The following TGM3 variants were observed in gnomAD, a reference collection of about 807,000 sequenced individuals.
TGM3 encodes the protein protein-glutamine gamma-glutamyltransferase E.
Under a neutral mutation model 73.8 loss-of-function variants are expected in TGM3, and 52 were observed. The ratio of observed to expected loss-of-function variants is 0.70; its 90% CI spans 0.56 to 0.89. The LOEUF is 0.89. Ranked by LOEUF, TGM3 falls within the 40% of genes least tolerant of loss-of-function variation. The pLI is 0.00. For missense variants in TGM3, 928 were observed against 909.9 expected (o/e 1.02, Z -0.26); for synonymous variants, 372 against 354.9 (o/e 1.05, Z -0.54).
chr20:2,324,124 C>G (rs2084275081), intron 7 of TGM3, among the ~76,000 whole-genome samples: 1 of 152,126 alleles, frequency 6.6e-6, no homozygotes, highest in Non-Finnish European at 1.5e-5. Context: ...TTTATTGACT[C>G]TTTCCTCTGT....
At chr20:2,322,340 T>C (rs767941023) in intron 7 of TGM3, among the ~76,000 whole-genome samples, 7 of 152,130 alleles carry the variant, frequency 4.6e-5, no homozygotes, top group Non-Finnish European at 8.8e-5. Context: ...AAGGCATGAG[T>C]AGAAGACGGA....
At chr20:2,340,033 C>CGGGTGCAGGGGGGGGGGGGGGGGGG in intron 12 of TGM3, 46 bp downstream of exon 12, 1 of 196,566 alleles carries the variant, frequency 5.1e-6, no homozygotes, top group Admixed American at 8.3e-5. Flanking sequence ...CGGGAGGGGG[C>CGGGTGCAGGGGGGGGGGGGGGGGGG]GGGGGGGCCC....
chr20:2,319,980 C>T (rs912330915), intron 7 of TGM3, among the ~76,000 whole-genome samples: 2 of 152,182 alleles, frequency 1.3e-5, no homozygotes, highest in Non-Finnish European at 1.5e-5. Context: ...TTTAAATTCT[C>T]GGGAGCTTCA....
At chr20:2,326,342 G>T (rs1000558798) in intron 8 of TGM3, among the ~76,000 whole-genome samples, 1 of 152,200 alleles carries the variant, frequency 6.6e-6, no homozygotes, top group Non-Finnish European at 1.5e-5. Context: ...ACCCACAGCA[G>T]CTCTCTCTGC....
In TGM3 at chr20:2,321,194, G is replaced by A. The variant is rs144177725; in HGVS notation, c.983+3709G>A. On this transcript the variant is annotated intron_variant, in intron 7 of 12. Transcript: ENST00000381458. ...TCCATGCACATCTGCACTGGACTCC[G>A]GGCACCAAGAGGAACAAGATGCAGG... Among the ~76,000 whole-genome samples the A allele has an allele frequency of 1.2e-4, 18 of 152,294 alleles. No homozygotes were observed. The East Asian group carries it at 3.1e-3, about 26-fold the overall frequency.
intron 5 of TGM3, among the ~76,000 whole-genome samples, chr20:2,313,512 TG>T (rs1355642846): frequency 2.6e-5 from 4 of 152,068 alleles, no homozygotes; most frequent in Non-Finnish European, 5.9e-5. Flanking sequence ...ATGGTCTAGA[TG>T]GGGAAACAAG....
intron 11 of TGM3, 138 bp downstream of exon 11, chr20:2,335,411 T>C: frequency 5.5e-6 from 6 of 1,092,764 alleles, no homozygotes; most frequent in Non-Finnish European, 7.8e-6. Flanking sequence ...GGCAGAGAAC[T>C]GGGCCCAGCT....
chr20:2,333,269 C>G (rs780203945), intron 10 of TGM3, among the ~76,000 whole-genome samples: 1 of 152,188 alleles, frequency 6.6e-6, no homozygotes, highest in Non-Finnish European at 1.5e-5. Flanking sequence ...GAAGCATCCC[C>G]TAGCAATCTG....
chr20:2,334,120 C>T lies in TGM3; in HGVS notation c.1643-996C>T, dbSNP rs1171620912. 6.6e-6 allele frequency among the ~76,000 whole-genome samples: 1 copy of T among 152,036 alleles called. No homozygotes were observed. The highest frequency in any genetic ancestry group is 1.5e-5 in the Non-Finnish European group (1 of 67,992). On this transcript the variant is annotated intron_variant, in intron 10 of 12. Coordinates refer to ENST00000381458, the MANE Select transcript of TGM3 (RefSeq NM_003245.4). The surrounding 1 kb of genome is among the most constrained non-coding windows in gnomAD (Gnocchi z 4.0). The stretch of plus-strand genomic sequence containing the variant: ...GAAAGGGCCCCGCGGCCCACAGGGT[C>T]AGAAGAGAGGACTTAAAGCGTGGGG...
At chr20:2,308,407 C>T (rs553122973) in intron 1 of TGM3, among the ~76,000 whole-genome samples, 1 of 152,288 alleles carries the variant, frequency 6.6e-6, no homozygotes, top group Non-Finnish European at 1.5e-5. Context: ...TTAAACATAA[C>T]TCATAGGAAG....
intron 1 of TGM3, among the ~76,000 whole-genome samples, chr20:2,300,043 G>T (rs571128592): frequency 6.6e-6 from 1 of 151,922 alleles, no homozygotes; most frequent in Admixed American, 6.6e-5. Context: ...GGAGGCAGGG[G>T]TTGCAGTGAG....
chr20:2,311,246 G>T (rs1014812988), intron 4 of TGM3, 117 bp downstream of exon 4: 11 of 806,662 alleles, frequency 1.4e-5, no homozygotes, highest in Non-Finnish European at 2.3e-5. Flanking sequence ...CCTTCTATTT[G>T]TTCATGTATT....
Position 2,332,343 on chromosome 20 carries a change from A to G in TGM3, c.1642+33A>G, listed in dbSNP as rs546680374. On this transcript the variant is annotated intron_variant, in intron 10 of 12. Coordinates refer to ENST00000381458, the MANE Select transcript of TGM3 (RefSeq NM_003245.4). The surrounding 1 kb of genome is among the most constrained non-coding windows in gnomAD (Gnocchi z 4.4). ...ATCCCGCAGTTGGAGGAGATCCACGAATCCGAGGTAGCCAATGGCCTTCTG... is the reference window on the plus strand; with the variant it reads ...ATCCCGCAGTTGGAGGAGATCCACGGATCCGAGGTAGCCAATGGCCTTCTG... 20 of 1,533,308 alleles carry G rather than the reference A, an allele frequency of 1.3e-5. No homozygotes were observed. In the African/African-American group the frequency reaches 1.9e-4, roughly 15 times the overall value. The allele number at this position is 1,533,308 out of a possible 1,614,324, so 95.0% of individuals were successfully genotyped here. A position where few individuals can be genotyped will look rare whatever the true frequency, so the allele number is the denominator to read the frequency against.
intron 1 of TGM3, among the ~76,000 whole-genome samples, chr20:2,309,305 C>A (rs2084190516): frequency 6.6e-6 from 1 of 152,176 alleles, no homozygotes; most frequent in South Asian, 2.1e-4. Context: ...GAACATTTGG[C>A]CCGTTCCTTA....
intron 4 of TGM3, among the ~76,000 whole-genome samples, chr20:2,312,626 A>G (rs925611845): frequency 6.6e-6 from 1 of 152,022 alleles, no homozygotes; most frequent in South Asian, 2.1e-4. Flanking sequence ...ATAATTTTTT[A>G]TTTATTATCC....
chr20:2,308,209 C>A (rs748497724), intron 1 of TGM3, among the ~76,000 whole-genome samples: 1 of 152,108 alleles, frequency 6.6e-6, no homozygotes, highest in African/African-American at 2.4e-5. Context: ...GGCAATAGAG[C>A]CAGACTCTGC....
At chr20:2,302,327 T>C (rs1406939638) in intron 1 of TGM3, among the ~76,000 whole-genome samples, 2 of 152,186 alleles carry the variant, frequency 1.3e-5, no homozygotes, top group Admixed American at 1.3e-4. Flanking sequence ...CTGGAGTCTT[T>C]CTCTGTGCTT....
chr20:2,301,678 A>T (rs991343600), intron 1 of TGM3, among the ~76,000 whole-genome samples: 6 of 152,012 alleles, frequency 3.9e-5, no homozygotes, highest in African/African-American at 1.5e-4. Flanking sequence ...AATAGAGCTT[A>T]AAAACCACTC....
In TGM3 at chr20:2,335,127, C is replaced by G. The variant is rs2084341962; in HGVS notation, c.1654C>G (p.Pro552Ala). Residue 552 changes from proline (P) to alanine (A), a missense_variant, in exon 11 of 13, where the codon CCC becomes GCC. Pro to Ala is a conservative substitution (Grantham distance 27, BLOSUM62 -1). Transcript: ENST00000381458. ...GCTTCTCCTTCCAGAGGCAGAACAT[C>G]CCATAAAGATCTCGTACGCTCAGTA... ...SLDPEEEAEH[P>A]IKISYAQYEK... The G allele has an allele frequency of 6.2e-7, 1 of 1,614,104 alleles. No homozygotes were observed. The highest frequency in any genetic ancestry group is 1.3e-5 in the African/African-American group (1 of 74,942).
Sources: gnomAD v4.1 joint callset for allele counts (sites outside exome capture counted in the v4.1 genomes callset) on GRCh38, gnomAD v4.1.1 for gene constraint, Gnocchi (gnomAD v3.1) non-coding constraint, MANE v1.5 for transcripts, NCBI Gene and HGNC (gene_info 2026-07-23, HGNC 2026-07-21) for gene names.